The following MAP3K13 variants were observed in gnomAD, a reference collection of about 807,000 sequenced individuals.
MAP3K13 encodes the protein leucine zipper-bearing kinase.
Under a neutral mutation model 104.0 loss-of-function variants are expected in MAP3K13, and 52 were observed. That is an observed-to-expected ratio of 0.50 (90% CI 0.40 to 0.63). The LOEUF (loss-of-function observed/expected upper bound fraction) is 0.63. MAP3K13 is among the 20% of genes least tolerant of loss of function. The pLI is 0.00. For missense variants in MAP3K13, 914 were observed against 1,218.5 expected, an observed-to-expected ratio of 0.75 and a Z score of 3.72; for synonymous variants, 394 against 442.2, an observed-to-expected ratio of 0.89 and a Z score of 1.37.
At chr3:185,456,695 G>A (rs1171820215) in intron 7 of MAP3K13, among the ~76,000 whole-genome samples, 1 of 135,424 alleles carries the variant, frequency 7.4e-6, no homozygotes, top group Non-Finnish European at 1.5e-5. Context: ...TCCACCTCCC[G>A]AGTTCAAGCA....
chr3:185,413,370 GGT>G (rs1713557598), intron 1 of MAP3K13, among the ~76,000 whole-genome samples: 1 of 152,228 alleles, frequency 6.6e-6, no homozygotes, highest in African/African-American at 2.4e-5. Flanking sequence ...AGTCCTATAT[GGT>G]TGCCACTAGC....
chr3:185,292,155 A>C lies in MAP3K13; in HGVS notation c.-86+6512A>C, dbSNP rs188093489. 596 of 218,730 alleles carry C rather than the reference A, an allele frequency of 2.7e-3. 4 individuals are homozygous for C. Among genetic ancestry groups the C allele is most frequent in the African/African-American group, 0.013 (546 of 42,642 alleles). 13.5% of individuals were successfully genotyped at this position (218,730 alleles called of 1,614,324 possible). A position where few individuals can be genotyped will look rare whatever the true frequency, so the allele number is the denominator to read the frequency against. On this transcript the variant is annotated intron_variant, in intron 2 of 14. Transcript: ENST00000424227. The stretch of plus-strand genomic sequence containing the variant: ...CCCCATCTCTACTAAAAATACAAAA[A>C]TTAGCCAGGCATGGTGGCAGGCGCC...
At chr3:185,348,313 G>A (rs1334278736) in intron 2 of MAP3K13, among the ~76,000 whole-genome samples, 2 of 152,066 alleles carry the variant, frequency 1.3e-5, no homozygotes, top group African/African-American at 2.4e-5. Context: ...ATGGAGCCTC[G>A]AGTAATTTAA....
At chr3:185,402,438 T>C (rs1712868604) in intron 1 of MAP3K13, among the ~76,000 whole-genome samples, 1 of 152,200 alleles carries the variant, frequency 6.6e-6, no homozygotes, top group Non-Finnish European at 1.5e-5. Context: ...TGTACATCTT[T>C]GTCTGGAGTC....
intron 1 of MAP3K13, among the ~76,000 whole-genome samples, chr3:185,369,984 C>A (rs1333480246): frequency 6.6e-6 from 1 of 152,140 alleles, no homozygotes; most frequent in Admixed American, 6.5e-5. Flanking sequence ...AGGCAGTTAC[C>A]CACTTAGCTT....
chr3:185,443,332 C>T (rs1715425239), intron 3 of MAP3K13, 113 bp from the exon 4 acceptor site: 1 of 699,004 alleles, frequency 1.4e-6, no homozygotes, highest in African/African-American at 1.8e-5. Flanking sequence ...ATTATCTATA[C>T]ACATTTTTAA....
At chr3:185,314,124 T>A (rs929694709) in intron 2 of MAP3K13, among the ~76,000 whole-genome samples, 3 of 152,236 alleles carry the variant, frequency 2.0e-5, no homozygotes, top group Non-Finnish European at 2.9e-5. Flanking sequence ...GAATCCTGCA[T>A]TTCTGCCTGT....
chr3:185,292,150 C>A, intron 2 of MAP3K13: 1 of 232,972 alleles, frequency 4.3e-6, no homozygotes, highest in Non-Finnish European at 7.0e-6. Flanking sequence ...ACTAAAAATA[C>A]AAAAATTAGC....
chr3:185,335,144 A>C (rs1722435962), intron 2 of MAP3K13, among the ~76,000 whole-genome samples: 2 of 152,198 alleles, frequency 1.3e-5, no homozygotes, highest in Non-Finnish European at 1.5e-5. Flanking sequence ...ACTTATTGCA[A>C]GAACTTCTTA....
intron 2 of MAP3K13, among the ~76,000 whole-genome samples, chr3:185,325,980 C>T (rs759694735): frequency 7.2e-5 from 11 of 152,158 alleles, no homozygotes; most frequent in Non-Finnish European, 1.5e-4. Context: ...TTGGTTCCTT[C>T]GCTTGAAACA....
intron 2 of MAP3K13, among the ~76,000 whole-genome samples, chr3:185,346,551 T>G: frequency 6.6e-6 from 1 of 152,222 alleles, no homozygotes; most frequent in East Asian, 1.9e-4. Context: ...ATTTAATACC[T>G]TCCATTGTTA....
rs1241192410 is a variant in MAP3K13 at position 185,454,253 on chromosome 3, TACATATATGAGATATATATC to T, written c.1278+2860_1278+2879del. 3.7e-5 allele frequency among the ~76,000 whole-genome samples: 3 copies of T among 81,224 alleles called. 1 individual carries two copies. Among genetic ancestry groups the T allele is most frequent in the African/African-American group, 1.4e-4 (3 of 22,058 alleles). The allele number at this position is 81,224 out of a possible 152,430, so 53.3% of individuals were successfully genotyped here. ...ATACATATATATGAGATATATATGA[TACATATATGAGATATATATC>T]ATATATATGATATATATGAGATATA... is the stretch of plus-strand genomic sequence containing the variant. On this transcript the variant is annotated intron_variant, in intron 7 of 13. Coordinates refer to ENST00000265026, the MANE Select transcript of MAP3K13 (RefSeq NM_004721.5).
chr3:185,400,722 C>T (rs1258451811), intron 1 of MAP3K13, among the ~76,000 whole-genome samples: 1 of 151,088 alleles, frequency 6.6e-6, no homozygotes, highest in Non-Finnish European at 1.5e-5. Context: ...ATTTAAGCAG[C>T]ATGCAAGAAA....
At chr3:185,422,879 C>T (rs999833768) in intron 1 of MAP3K13, among the ~76,000 whole-genome samples, 3 of 152,212 alleles carry the variant, frequency 2.0e-5, no homozygotes, top group African/African-American at 4.8e-5. Flanking sequence ...AGAGCTTCCT[C>T]TGTGTTTACA....
chr3:185,452,075 G>A (rs750678919), intron 7 of MAP3K13, among the ~76,000 whole-genome samples: 2 of 152,114 alleles, frequency 1.3e-5, no homozygotes, highest in Non-Finnish European at 2.9e-5. Flanking sequence ...AAGTACAGAC[G>A]TGGGAGGTTA....
chr3:185,449,281 C>T (rs559813414), intron 5 of MAP3K13, among the ~76,000 whole-genome samples: 1 of 148,346 alleles, frequency 6.7e-6, no homozygotes, highest in African/African-American at 2.5e-5. Context: ...GCTCAGGCAG[C>T]AGAATCGCTT....
intron 1 of MAP3K13, among the ~76,000 whole-genome samples, chr3:185,389,102 A>G (rs1242552240): frequency 1.3e-5 from 2 of 152,132 alleles, no homozygotes; most frequent in African/African-American, 4.8e-5. Flanking sequence ...AATTGACAAT[A>G]TGAACATCCA....
At chr3:185,337,890 C>T (rs1037363960) in intron 2 of MAP3K13, among the ~76,000 whole-genome samples, 3 of 152,074 alleles carry the variant, frequency 2.0e-5, no homozygotes, top group South Asian at 2.1e-4. Context: ...CTAAAACTCC[C>T]TAAAATAACT....
chr3:185,472,825 T>C (rs1329955718), intron 10 of MAP3K13, 150 bp from the exon 11 acceptor site: 1 of 749,784 alleles, frequency 1.3e-6, no homozygotes, highest in African/African-American at 1.8e-5. Context: ...TCCATGAACA[T>C]TTTGAAGACC....
Sources: gnomAD v4.1 joint callset for allele counts (sites outside exome capture counted in the v4.1 genomes callset) on GRCh38, gnomAD v4.1.1 for gene constraint, MANE v1.5 for transcripts, NCBI Gene and HGNC (gene_info 2026-07-23, HGNC 2026-07-21) for gene names.